The following VWA8 variants were observed in gnomAD, a reference collection of about 807,000 sequenced individuals.
VWA8 encodes von Willebrand factor A domain-containing protein 8.
VWA8 carries 221 observed loss-of-function variants against 241.5 expected under a neutral mutation model. That is an observed-to-expected ratio of 0.91 (90% confidence interval 0.82 to 1.02). The LOEUF (loss-of-function observed/expected upper bound fraction) is 1.02, where lower values mean the gene tolerates loss of function less well. Among genes scored for constraint, VWA8 ranks in the 50% least tolerant of loss-of-function variants. The pLI is 0.00. For missense variants in VWA8, 2,322 were observed against 2,328.7 expected (o/e 1.00, Z 0.06); for synonymous variants, 852 against 827.1 (o/e 1.03, Z -0.52).
In VWA8 at chr13:41,650,836, G is replaced by A. The variant is rs935359273; in HGVS notation, c.4611+20110C>T. Among the ~76,000 whole-genome samples the A allele has an allele frequency of 6.6e-5, 10 of 152,296 alleles. No homozygotes were observed. The East Asian group carries it at 1.9e-3, about 29-fold the overall frequency. On this transcript the variant is annotated intron_variant, in intron 37 of 44. Transcript: ENST00000379310. ...TGAGGGTAGACAGGCTGCATCCAAGGAGGGCTTAGGGAGACATTGGCATGC... is the reference window on the plus strand; with the variant it reads ...TGAGGGTAGACAGGCTGCATCCAAGAAGGGCTTAGGGAGACATTGGCATGC...
At chr13:41,846,412 C>T (rs933108661) in intron 12 of VWA8, among the ~76,000 whole-genome samples, 1 of 152,066 alleles carries the variant, frequency 6.6e-6, no homozygotes, top group African/African-American at 2.4e-5. Flanking sequence ...GGATTCAATT[C>T]CACTTCTGCA....
chr13:41,566,928 ATAAT>A lies in VWA8; in HGVS notation c.*1265_*1268del, dbSNP rs1373809598. The stretch of plus-strand genomic sequence containing the variant: ...TGGGTATTATCTTTTCTTCTTTCCT[ATAAT>A]TAATTAAAATGAAATTATGGACCTG... On this transcript the variant is annotated 3_prime_UTR_variant, in exon 45 of 45. Transcript: ENST00000379310. 4.3e-4 allele frequency: 65 copies of A among 152,338 alleles called. No homozygotes were observed. The highest frequency in any genetic ancestry group is 1.5e-3 in the African/African-American group (62 of 41,570). 9.4% of individuals were successfully genotyped at this position (152,338 alleles called of 1,614,324 possible).
In VWA8 at chr13:41,587,321, A is replaced by G. The variant is rs546231266; in HGVS notation, c.5271+191T>C. ...TGGCTGCAGCATTTCTTCTGTAGTA[A>G]TCAGACTTTTAAATTATGGAGTTAT... On this transcript the variant is annotated intron_variant, in intron 42 of 44. Coordinates refer to ENST00000379310, the MANE Select transcript of VWA8 (RefSeq NM_015058.2). 2.2e-4 allele frequency among the ~76,000 whole-genome samples: 34 copies of G among 152,316 alleles called. No homozygotes were observed. In the South Asian group the frequency reaches 6.2e-3, roughly 28 times the overall value.
intron 20 of VWA8, among the ~76,000 whole-genome samples, chr13:41,775,607 T>C (rs1389484966): frequency 6.6e-6 from 1 of 152,170 alleles, no homozygotes; most frequent in Admixed American, 6.5e-5. Context: ...CCTTATCAGA[T>C]GCTGGAGTCC....
intron 37 of VWA8, among the ~76,000 whole-genome samples, chr13:41,640,084 A>G (rs1328778529): frequency 1.3e-5 from 2 of 152,226 alleles, no homozygotes; most frequent in East Asian, 3.8e-4. Context: ...AGTATATTCA[A>G]GGAAATGAAA....
Position 41,735,639 on chromosome 13 carries a change from T to A in VWA8, c.2427-3484A>T, listed in dbSNP as rs181283630. Among the ~76,000 whole-genome samples the A allele has an allele frequency of 8.7e-4, 132 of 152,280 alleles. 1 individual carries two copies. Among genetic ancestry groups the A allele is most frequent in the Admixed American group, 2.9e-3 (44 of 15,296 alleles). On this transcript the variant is annotated intron_variant, in intron 21 of 44. Transcript: ENST00000379310. ...AAAAAAAGCAAAGGCTAGTAAAATA[T>A]GTAAAATAATATTTAACTTAAGAAA... is the stretch of plus-strand genomic sequence containing the variant.
At chr13:41,863,756 G>A (rs1362327891) in intron 12 of VWA8, among the ~76,000 whole-genome samples, 2 of 152,020 alleles carry the variant, frequency 1.3e-5, no homozygotes, top group Admixed American at 6.6e-5. Context: ...ATAAGTGGGA[G>A]CTAAACATTG....
At chr13:41,701,353 T>C in intron 28 of VWA8, 39 bp downstream of exon 28, 1 of 1,489,260 alleles carries the variant, frequency 6.7e-7, no homozygotes, top group Non-Finnish European at 8.9e-7. Flanking sequence ...TAAAAAAACA[T>C]GTGCAGGAAG....
At chr13:41,765,038 T>G (rs1197040282) in intron 20 of VWA8, among the ~76,000 whole-genome samples, 1 of 151,764 alleles carries the variant, frequency 6.6e-6, no homozygotes, top group African/African-American at 2.4e-5. Flanking sequence ...ATTTAAGAGA[T>G]ATTTAGGAAA....
At chr13:41,785,655 C>G (rs1382676939) in intron 18 of VWA8, among the ~76,000 whole-genome samples, 3 of 152,140 alleles carry the variant, frequency 2.0e-5, no homozygotes, top group African/African-American at 7.2e-5. Flanking sequence ...CACAGTAGAT[C>G]TTAACAGTAA....
chr13:41,701,634 T>C, intron 27 of VWA8, 104 bp from the exon 28 acceptor site: 1 of 1,081,592 alleles, frequency 9.2e-7, no homozygotes, highest in Non-Finnish European at 1.3e-6. Flanking sequence ...AAGTATTTAA[T>C]ATCCTGCTAT....
chr13:41,820,367 C>T (rs1473275528), intron 14 of VWA8, among the ~76,000 whole-genome samples: 2 of 151,898 alleles, frequency 1.3e-5, no homozygotes, highest in African/African-American at 2.4e-5. Flanking sequence ...ACTAGAATAC[C>T]AGGAGGTAGG....
At chr13:41,868,592 AG>A in intron 9 of VWA8, 115 bp from the exon 10 acceptor site, 1 of 1,295,590 alleles carries the variant, frequency 7.7e-7, no homozygotes, top group Non-Finnish European at 1.0e-6. Context: ...ATTATATAAA[AG>A]TAGAGGTTAG....
At chr13:41,681,881 C>T (rs1365269915) in intron 35 of VWA8, among the ~76,000 whole-genome samples, 1 of 152,074 alleles carries the variant, frequency 6.6e-6, no homozygotes, top group Non-Finnish European at 1.5e-5. Context: ...GGAAGGGGTG[C>T]AGCAGAAAGT....
At chr13:41,740,380 T>C (rs1233191735) in intron 21 of VWA8, among the ~76,000 whole-genome samples, 1 of 152,226 alleles carries the variant, frequency 6.6e-6, no homozygotes, top group East Asian at 1.9e-4. Context: ...TTTCTTTCAA[T>C]ACAAAAATAT....
intron 43 of VWA8, among the ~76,000 whole-genome samples, chr13:41,574,906 G>A (rs557514805): frequency 6.6e-6 from 1 of 152,210 alleles, no homozygotes; most frequent in African/African-American, 2.4e-5. Context: ...CCCATTAATA[G>A]GTATCTACCC....
At chr13:41,777,953 T>A (rs775066847) in intron 20 of VWA8, 32 bp downstream of exon 20, 4 of 1,554,758 alleles carry the variant, frequency 2.6e-6, no homozygotes, top group Admixed American at 1.8e-5. Context: ...TATCATTTTT[T>A]CATTGGTACC....
At chr13:41,751,989 AC>A (rs2045659847) in intron 21 of VWA8, among the ~76,000 whole-genome samples, 1 of 152,132 alleles carries the variant, frequency 6.6e-6, no homozygotes. Context: ...TAAGAACCAC[AC>A]CAAGTACCTG....
intron 2 of VWA8, among the ~76,000 whole-genome samples, chr13:41,942,655 A>G (rs982432457): frequency 6.6e-6 from 1 of 152,130 alleles, no homozygotes; most frequent in Non-Finnish European, 1.5e-5. Flanking sequence ...GATGTACACT[A>G]CAGACCAAAT....
Sources: gnomAD v4.1 joint callset for allele counts (sites outside exome capture counted in the v4.1 genomes callset) on GRCh38, gnomAD v4.1.1 for gene constraint, MANE v1.5 for transcripts, NCBI Gene and HGNC (gene_info 2026-07-23, HGNC 2026-07-21) for gene names.